Variants in NALF1 observed in about 807,000 individuals in gnomAD.
The protein encoded by NALF1 is family with sequence similarity 155 member A.
In NALF1, 3 loss-of-function variants were observed where a neutral mutation model predicts 48.4. That is an observed-to-expected ratio of 0.06 (90% CI 0.03 to 0.16). The LOEUF is 0.16. Among genes scored for constraint, NALF1 ranks in the 10% least tolerant of loss-of-function variants. The pLI is 1.00. For missense variants in NALF1, 526 were observed against 571.5 expected (o/e 0.92, Z 0.81); for synonymous variants, 262 against 245.7 (o/e 1.07, Z -0.62).
intron 1 of NALF1, among the ~76,000 whole-genome samples, chr13:107,282,761 G>A (rs542969102): frequency 1.3e-5 from 2 of 152,302 alleles, no homozygotes; most frequent in African/African-American, 2.4e-5. Context: ...AAGTGAATCC[G>A]TTAGCTCCTG....
At chr13:107,569,118 G>T (rs867317345) in intron 1 of NALF1, among the ~76,000 whole-genome samples, 1 of 152,048 alleles carries the variant, frequency 6.6e-6, no homozygotes, top group South Asian at 2.1e-4. Flanking sequence ...TGAGATACAG[G>T]TCAAAGTTTA....
At chr13:107,244,085 A>G (rs1318996411) in intron 1 of NALF1, among the ~76,000 whole-genome samples, 1 of 152,214 alleles carries the variant, frequency 6.6e-6, no homozygotes, top group East Asian at 1.9e-4. Flanking sequence ...ATTATTTTGT[A>G]TCAAAATTAG....
intron 1 of NALF1, among the ~76,000 whole-genome samples, chr13:107,336,321 C>G (rs573780503): frequency 6.6e-6 from 1 of 151,556 alleles, no homozygotes; most frequent in South Asian, 2.1e-4. Flanking sequence ...CCACTGCACT[C>G]CAGCCTAGGT....
chr13:107,742,761 T>G (rs1246568703), intron 1 of NALF1, among the ~76,000 whole-genome samples: 1 of 152,226 alleles, frequency 6.6e-6, no homozygotes, highest in Admixed American at 6.5e-5. Context: ...GTAAGCTCTA[T>G]GTGAGCAGAT....
chr13:107,865,656 A>G, intron 1 of NALF1, 26 bp downstream of exon 1: 2 of 1,602,070 alleles, frequency 1.2e-6, no homozygotes, highest in Non-Finnish European at 1.7e-6. Flanking sequence ...AGTGCAGGAA[A>G]GGGGGAAACC....
rs73587782 is a variant in NALF1 at position 107,821,722 on chromosome 13, A to G, written c.915+43960T>C. 3.3e-5 allele frequency among the ~76,000 whole-genome samples: 5 copies of G among 152,312 alleles called. No individual in the cohort carries two copies. The East Asian group carries it at 9.6e-4, about 29-fold the overall frequency. On this transcript the variant is annotated intron_variant, in intron 1 of 2. Coordinates refer to ENST00000375915, the MANE Select transcript of NALF1 (RefSeq NM_001080396.3). ...AGATCCAATGACAGAAAGAGTACAT[A>G]ATAGGGTGACTAGTGTAATCCAAAT...
At chr13:107,512,764 G>T (rs1423110219) in intron 1 of NALF1, among the ~76,000 whole-genome samples, 1 of 152,130 alleles carries the variant, frequency 6.6e-6, no homozygotes, top group East Asian at 1.9e-4. Flanking sequence ...GAAAGGGGTG[G>T]TAAGTAACTC....
rs1481927219 is a variant in NALF1, at chr13:107,165,392, G to A, written c.*5105C>T. 1 of 152,172 alleles carries A rather than the reference G, an allele frequency of 6.6e-6. No individual in the cohort carries two copies. The highest frequency in any genetic ancestry group is 2.4e-5 in the African/African-American group (1 of 41,440). 9.4% of individuals were successfully genotyped at this position (152,172 alleles called of 1,614,324 possible). A position where few individuals can be genotyped will look rare whatever the true frequency, so the allele number is the denominator to read the frequency against. On this transcript the variant is annotated 3_prime_UTR_variant, in exon 3 of 3. Transcript: ENST00000375915. ...CCACTGTGCCTCGGAGCCAGCTTGT[G>A]TAATTTGTAATCAGAAGATGCTTGA...
chr13:107,531,998 T>C (rs1195343707), intron 1 of NALF1, among the ~76,000 whole-genome samples: 1 of 152,156 alleles, frequency 6.6e-6, no homozygotes, highest in Non-Finnish European at 1.5e-5. Context: ...TGAATTTGCA[T>C]ACTTACCTAA....
intron 1 of NALF1, among the ~76,000 whole-genome samples, chr13:107,570,806 T>C (rs1877966260): frequency 6.6e-6 from 1 of 152,020 alleles, no homozygotes; most frequent in African/African-American, 2.4e-5. Context: ...TCAGAATTTA[T>C]ATTTTGTACA....
intron 1 of NALF1, among the ~76,000 whole-genome samples, chr13:107,683,234 T>C (rs1881347825): frequency 6.6e-6 from 1 of 152,028 alleles, no homozygotes; most frequent in Non-Finnish European, 1.5e-5. Context: ...GGTGACAGAG[T>C]AAGAGCCTGT....
At chr13:107,621,679 T>C (rs1352214325) in intron 1 of NALF1, among the ~76,000 whole-genome samples, 1 of 152,214 alleles carries the variant, frequency 6.6e-6, no homozygotes, top group Non-Finnish European at 1.5e-5. Flanking sequence ...CTGATTGTAA[T>C]GTCTGGCTCT....
In NALF1 at chr13:107,783,181, G is replaced by T. The variant is rs1355998974; in HGVS notation, c.915+82501C>A. Among the ~76,000 whole-genome samples the T allele has an allele frequency of 6.0e-5, 8 of 132,732 alleles. No homozygotes were observed. The South Asian group carries it at 1.0e-3, about 17-fold the overall frequency. The allele number at this position is 132,732 out of a possible 152,430, so 87.1% of individuals were successfully genotyped here. A position where few individuals can be genotyped will look rare whatever the true frequency, so the allele number is the denominator to read the frequency against. On this transcript the variant is annotated intron_variant, in intron 1 of 2. Coordinates refer to ENST00000375915, the MANE Select transcript of NALF1 (RefSeq NM_001080396.3). ...TCTGCCCGGCCAGCCGCCCCGTCCGGGAGGGAGGTGGGGGGTCAGTCCCCC... is the reference window on the plus strand; with the variant it reads ...TCTGCCCGGCCAGCCGCCCCGTCCGTGAGGGAGGTGGGGGGTCAGTCCCCC...
intron 1 of NALF1, among the ~76,000 whole-genome samples, chr13:107,671,811 GCAA>G (rs1346495596): frequency 1.3e-5 from 2 of 152,102 alleles, no homozygotes; most frequent in Non-Finnish European, 2.9e-5. Context: ...TTAGGTTGAT[GCAA>G]CATTTCTTGT....
chr13:107,579,763 G>A (rs1878251882), intron 1 of NALF1, among the ~76,000 whole-genome samples: 1 of 151,654 alleles, frequency 6.6e-6, no homozygotes, highest in Non-Finnish European at 1.5e-5. Flanking sequence ...ATGCTGGTGT[G>A]CTGCACCCAC....
At chr13:107,742,011 T>C (rs995938240) in intron 1 of NALF1, among the ~76,000 whole-genome samples, 7 of 152,192 alleles carry the variant, frequency 4.6e-5, no homozygotes, top group African/African-American at 7.2e-5. Context: ...ATTAAGTTGA[T>C]ACCATCAATA....
intron 1 of NALF1, among the ~76,000 whole-genome samples, chr13:107,358,166 A>ATGTGTGTGTG (rs1491390261): frequency 1.6e-5 from 2 of 121,726 alleles, no homozygotes; most frequent in African/African-American, 6.0e-5. Context: ...TATACGTAAC[A>ATGTGTGTGTG]TATGTGTGTG....
intron 1 of NALF1, among the ~76,000 whole-genome samples, chr13:107,459,300 TA>T (rs990496692): frequency 1.3e-5 from 2 of 151,936 alleles, no homozygotes; most frequent in Non-Finnish European, 2.9e-5. Flanking sequence ...AAAAGGAAAT[TA>T]AGCGTGTTAT....
chr13:107,252,391 G>A (rs1880720423), intron 1 of NALF1, among the ~76,000 whole-genome samples: 1 of 151,604 alleles, frequency 6.6e-6, no homozygotes. Flanking sequence ...GAGAGAGGGA[G>A]AGAGAAAGAT....
Sources: gnomAD v4.1 joint callset for allele counts (sites outside exome capture counted in the v4.1 genomes callset) on GRCh38, gnomAD v4.1.1 for gene constraint, MANE v1.5 for transcripts, NCBI Gene and HGNC (gene_info 2026-07-23, HGNC 2026-07-21) for gene names.